CENPO: variants seen among roughly 807,000 people sequenced by gnomAD.
The protein encoded by CENPO is centromere protein O.
Under a neutral mutation model 36.1 loss-of-function variants are expected in CENPO, and 30 were observed. The ratio of observed to expected loss-of-function variants is 0.83; its 90% CI spans 0.62 to 1.13. CENPO has a LOEUF of 1.13. Ranked by LOEUF, CENPO falls within the 50% of genes most tolerant of loss-of-function variation. CENPO has a pLI of 0.00. For synonymous variants in CENPO, 171 were observed against 142.3 expected, an observed-to-expected ratio of 1.20 and a Z score of -1.44; for missense variants, 349 against 357.8, an observed-to-expected ratio of 0.98 and a Z score of 0.20.
At chr2:24,799,582 AAAAAG>A in intron 2 of CENPO, 88 bp from the exon 3 acceptor site, 1 of 1,021,232 alleles carries the variant, frequency 9.8e-7, no homozygotes, top group South Asian at 1.8e-5. Context: ...GTAAAAAAAA[AAAAAG>A]AGTCACCTGT....
chr2:24,793,552 G>C, intron 1 of CENPO, 51 bp downstream of exon 1: 1 of 1,515,510 alleles, frequency 6.6e-7, no homozygotes, highest in Non-Finnish European at 8.8e-7. Context: ...GGACCGGACC[G>C]TGGCCAGGGT....
At chr2:24,798,296 AGTGT>A (rs1174355738) in intron 2 of CENPO, among the ~76,000 whole-genome samples, 5 of 150,420 alleles carry the variant, frequency 3.3e-5, no homozygotes, top group Admixed American at 1.3e-4. Context: ...TATATATATG[AGTGT>A]GTGTTTGAAG....
intron 3 of CENPO, among the ~76,000 whole-genome samples, chr2:24,800,716 C>T (rs1666123666): frequency 6.6e-6 from 1 of 152,112 alleles, no homozygotes; most frequent in African/African-American, 2.4e-5. Context: ...TTTCTTAATC[C>T]AGTCTATCAT....
rs937390224 is a variant in CENPO, at chr2:24,793,868, C to T, written c.-52C>T. 6.2e-7 allele frequency: 1 copy of T among 1,613,760 alleles called. No individual in the cohort carries two copies. Among genetic ancestry groups the T allele is most frequent in the South Asian group, 1.1e-5 (1 of 91,086 alleles). On this transcript the variant is annotated 5_prime_UTR_variant, in exon 2 of 8. Transcript: ENST00000380834. ...TTTTATTAGCAAGGACATTGGAGTC[C>T]CTATCACCGGTTGCCTAGACAACTT...
chr2:24,815,787 C>T (rs372623684), intron 5 of CENPO, 31 bp downstream of exon 5: 16 of 1,606,082 alleles, frequency 1.0e-5, no homozygotes, highest in African/African-American at 5.4e-5. Flanking sequence ...ATGCCTCATC[C>T]GTGGGCCCAA....
rs1472179873 is a variant in CENPO at position 24,821,790 on chromosome 2, G to T, written c.*2472G>T. The T allele has an allele frequency of 4.2e-6, 5 of 1,185,834 alleles. No homozygotes were observed. Among genetic ancestry groups the T allele is most frequent in the Non-Finnish European group, 5.8e-6 (5 of 857,108 alleles). 73.5% of individuals were successfully genotyped at this position (1,185,834 alleles called of 1,614,324 possible). On this transcript the variant is annotated 3_prime_UTR_variant, in exon 8 of 8. Transcript: ENST00000380834. ...CCTCCCACAAAGGAGTCGCAGCCAC[G>T]CTAGCTCTGACTTGCCACTGTGACA...
At chr2:24,799,986 A>G in intron 3 of CENPO, 142 bp downstream of exon 3, 4 of 977,552 alleles carry the variant, frequency 4.1e-6, no homozygotes, top group Non-Finnish European at 6.1e-6. Context: ...CCCTCAAATG[A>G]TCAAACCTGT....
At position 24,793,927 on chromosome 2, in the gene CENPO, A is replaced by G. The variant is rs2148722664; in HGVS notation, c.8A>G (p.Gln3Arg). The G allele has an allele frequency of 6.2e-7, 1 of 1,614,206 alleles. No individual in the cohort carries two copies. ME[Q>R]ANPLRPDGES... The stretch of plus-strand genomic sequence containing the variant: ...GGCCCTTGGGAATCTGAGATGGAGC[A>G]GGCGAACCCTTTACGTCCAGATGGC... The change falls in exon 2 of 8, where the codon CAG becomes CGG. Residue 3 changes from glutamine (Q) to arginine (R), a missense_variant. Transcript: ENST00000380834.
chr2:24,803,950 C>T (rs368601094), intron 3 of CENPO, among the ~76,000 whole-genome samples: 2 of 151,890 alleles, frequency 1.3e-5, no homozygotes, highest in African/African-American at 2.4e-5. Flanking sequence ...CCCATTATTA[C>T]TGTGTGGGAG....
At position 24,821,691 on chromosome 2, in the gene CENPO, C is replaced by T; in HGVS notation, c.*2373C>T. ...TGTCAGGGGCCGCTCACTGCAGCAG[C>T]CTGCTCTGCTGCCTTCCCTGGCAGT... On this transcript the variant is annotated 3_prime_UTR_variant, in exon 8 of 8. Transcript: ENST00000380834. The T allele has an allele frequency of 1.3e-6, 2 of 1,597,946 alleles. No individual in the cohort carries two copies. Among genetic ancestry groups the T allele is most frequent in the Non-Finnish European group, 1.7e-6 (2 of 1,170,410 alleles).
chr2:24,806,225 C>T (rs1421687490), intron 3 of CENPO, among the ~76,000 whole-genome samples: 1 of 152,322 alleles, frequency 6.6e-6, no homozygotes, highest in Non-Finnish European at 1.5e-5. Flanking sequence ...GTCTGTCACC[C>T]CTTTCTTTGA....
Position 24,820,667 on chromosome 2 carries a change from T to C in CENPO, c.*1349T>C. The C allele has an allele frequency of 6.2e-7, 1 of 1,607,440 alleles. No individual in the cohort carries two copies. Among genetic ancestry groups the C allele is most frequent in the East Asian group, 2.2e-5 (1 of 44,732 alleles). ...GCAGGGGCACGTGGGAAAGCACTGTTCCGGTTTTGTTCTCATGCCGAGTCT... is the reference window on the plus strand; with the variant it reads ...GCAGGGGCACGTGGGAAAGCACTGTCCCGGTTTTGTTCTCATGCCGAGTCT... On this transcript the variant is annotated 3_prime_UTR_variant, in exon 8 of 8. Transcript: ENST00000380834.
In CENPO at chr2:24,821,022, G is replaced by T. The variant is rs183446789; in HGVS notation, c.*1704G>T. 1 of 933,458 alleles carries T rather than the reference G, an allele frequency of 1.1e-6. No individual in the cohort carries two copies. Among genetic ancestry groups the T allele is most frequent in the Non-Finnish European group, 1.5e-6 (1 of 647,650 alleles). The allele number at this position is 933,458 out of a possible 1,614,324, so 57.8% of individuals were successfully genotyped here. On this transcript the variant is annotated 3_prime_UTR_variant, in exon 8 of 8. Transcript: ENST00000380834. ...TGGAAATCACATCTCCTGTTTATCC[G>T]TGTGCTTGTTAGGTGTCAGCCGCCA...
chr2:24,818,077 G>A (rs1667042787), intron 7 of CENPO, among the ~76,000 whole-genome samples: 1 of 152,070 alleles, frequency 6.6e-6, no homozygotes, highest in Admixed American at 6.5e-5. Context: ...ATCATTTGTG[G>A]GGCAATAAAA....
chr2:24,795,739 G>A (rs974315429), intron 2 of CENPO, among the ~76,000 whole-genome samples: 1 of 152,252 alleles, frequency 6.6e-6, no homozygotes, highest in South Asian at 2.1e-4. Flanking sequence ...CTATGTGTGC[G>A]TGCTTTTCAG....
intron 3 of CENPO, among the ~76,000 whole-genome samples, chr2:24,803,225 CTTT>C (rs1190368592): frequency 3.3e-5 from 5 of 150,636 alleles, no homozygotes; most frequent in African/African-American, 4.9e-5. Context: ...CTCTTTTCTT[CTTT>C]ATTAGTCTTG....
At position 24,819,978 on chromosome 2, in the gene CENPO, T is replaced by G; in HGVS notation, c.*660T>G. ...GTGGGGCAGTGTGACAGAGGGGCCA[T>G]TGGGGAAGGTGGCTAGCTTATCCCG... is the stretch of plus-strand genomic sequence containing the variant. On this transcript the variant is annotated 3_prime_UTR_variant, in exon 8 of 8. Coordinates refer to ENST00000380834, the MANE Select transcript of CENPO (RefSeq NM_001322101.2). The G allele has an allele frequency of 1.2e-6, 2 of 1,613,746 alleles. No homozygotes were observed. Among genetic ancestry groups the G allele is most frequent in the Non-Finnish European group, 1.7e-6 (2 of 1,179,848 alleles).
At chr2:24,814,308 T>C (rs535175210) in intron 3 of CENPO, 68 bp from the exon 4 acceptor site, 12 of 802,520 alleles carry the variant, frequency 1.5e-5, no homozygotes, top group East Asian at 2.4e-5. Flanking sequence ...TTTCATCCAG[T>C]TGGGGGAGGG....
chr2:24,821,726 G>T lies in CENPO; in HGVS notation c.*2408G>T. 3.2e-6 allele frequency: 5 copies of T among 1,553,210 alleles called. No individual in the cohort carries two copies. The highest frequency in any genetic ancestry group is 4.4e-6 in the Non-Finnish European group (5 of 1,148,456). Reference sequence around the variant, plus strand: ...TGCCTTCCCTGGCAGTGTTCTGGGGGTGGATTCCCTACACCTAGATGTTCA... The same window carrying T: ...TGCCTTCCCTGGCAGTGTTCTGGGGTTGGATTCCCTACACCTAGATGTTCA... On this transcript the variant is annotated 3_prime_UTR_variant, in exon 8 of 8. Transcript: ENST00000380834.
Sources: allele counts gnomAD v4.1 joint callset (sites outside exome capture counted in the v4.1 genomes callset), GRCh38; gene constraint gnomAD v4.1.1; transcripts MANE v1.5; gene names NCBI Gene and HGNC (gene_info 2026-07-23, HGNC 2026-07-21).